Variants in DOCK1 observed in about 807,000 individuals in gnomAD.
DOCK1 encodes the protein dedicator of cytokinesis protein 1.
In DOCK1, 138 loss-of-function variants were observed where a neutral mutation model predicts 262.7. That is an observed-to-expected ratio of 0.53 (90% CI 0.46 to 0.61). The LOEUF (loss-of-function observed/expected upper bound fraction) is 0.61. Ranked by LOEUF, DOCK1 falls within the 20% of genes least tolerant of loss-of-function variation. The pLI, the probability that DOCK1 is intolerant of heterozygous loss-of-function variation, is 0.00. For synonymous variants in DOCK1, 866 were observed against 867.4 expected (o/e 1.00, Z 0.03); for missense variants, 1,908 against 2,370.7 (o/e 0.80, Z 4.05).
At chr10:127,038,967 A>G (rs2043840425) in intron 19 of DOCK1, among the ~76,000 whole-genome samples, 2 of 151,706 alleles carry the variant, frequency 1.3e-5, no homozygotes, top group Non-Finnish European at 2.9e-5. Context: ...ATAAGCATAG[A>G]CTCTCCAGCA....
At chr10:127,089,552 C>T (rs141703125) in intron 23 of DOCK1, among the ~76,000 whole-genome samples, 1 of 152,328 alleles carries the variant, frequency 6.6e-6, no homozygotes, top group East Asian at 1.9e-4. Context: ...GACCCCCACA[C>T]CTAAGATAAT....
At chr10:127,259,391 CG>C (rs2059936404) in intron 29 of DOCK1, among the ~76,000 whole-genome samples, 1 of 152,210 alleles carries the variant, frequency 6.6e-6, no homozygotes, top group African/African-American at 2.4e-5. Context: ...AGCTCTAGAG[CG>C]TTGTGTCTTT....
chr10:127,339,732 T>TGTGTGTGTGTGTGCGC (rs1243468884), intron 30 of DOCK1, among the ~76,000 whole-genome samples: 2 of 40,336 alleles, frequency 5.0e-5, no homozygotes, highest in Non-Finnish European at 1.4e-4. Context: ...TGTGTGTGTG[T>TGTGTGTGTGTGTGCGC]GTGCATGCTG....
intron 29 of DOCK1, among the ~76,000 whole-genome samples, chr10:127,318,525 T>G (rs1169381942): frequency 6.6e-6 from 1 of 152,214 alleles, no homozygotes; most frequent in Admixed American, 6.5e-5. Flanking sequence ...GGCCCAGCAC[T>G]GGGTTCATCC....
intron 23 of DOCK1, among the ~76,000 whole-genome samples, chr10:127,064,881 C>G (rs1255334889): frequency 1.3e-5 from 2 of 152,234 alleles, no homozygotes; most frequent in South Asian, 2.1e-4. Context: ...GAATGGAACT[C>G]CAGCCCCATC....
intron 51 of DOCK1, among the ~76,000 whole-genome samples, chr10:127,450,384 G>A (rs1170748391): frequency 6.6e-6 from 1 of 152,182 alleles, no homozygotes; most frequent in Non-Finnish European, 1.5e-5. Flanking sequence ...AGACGATAGT[G>A]TTCTGTGATT....
chr10:127,273,243 G>A (rs1183665941), intron 29 of DOCK1, among the ~76,000 whole-genome samples: 1 of 152,110 alleles, frequency 6.6e-6, no homozygotes, highest in Non-Finnish European at 1.5e-5. Context: ...TCCTTGGACC[G>A]AGGCTGAACC....
chr10:127,076,153 T>C (rs566438883), intron 23 of DOCK1, among the ~76,000 whole-genome samples: 1 of 152,266 alleles, frequency 6.6e-6, no homozygotes, highest in Admixed American at 6.5e-5. Flanking sequence ...AATTGAGAAC[T>C]TCCTGACAGC....
intron 27 of DOCK1, among the ~76,000 whole-genome samples, chr10:127,145,119 G>A (rs1046188234): frequency 6.6e-6 from 1 of 152,056 alleles, no homozygotes. Flanking sequence ...CATCTTACCT[G>A]TGGCACTCTC....
At chr10:127,186,350 T>C (rs1403282367) in intron 27 of DOCK1, among the ~76,000 whole-genome samples, 1 of 152,100 alleles carries the variant, frequency 6.6e-6, no homozygotes, top group Non-Finnish European at 1.5e-5. Context: ...GCTGCAGGAC[T>C]GAATGAGCGC....
chr10:127,127,711 C>A lies in DOCK1; in HGVS notation c.2794C>A (p.Leu932Ile), dbSNP rs1352072213. 2 of 1,613,204 alleles carry A rather than the reference C, an allele frequency of 1.2e-6. No individual in the cohort carries two copies. Among genetic ancestry groups the A allele is most frequent in the South Asian group, 2.2e-5 (2 of 90,996 alleles). ...CGTCCAGATTATCATGGAGAAACTT[C>A]TCCGGACCGTGAACCGAACCGTCAT... ...RHVQIIMEKL[L>I]RTVNRTVISM... Residue 932 changes from leucine to isoleucine, a missense_variant, in exon 27 of 52, where the codon CTC (leucine) becomes ATC (isoleucine). Transcript: ENST00000623213.
chr10:127,236,499 G>GTTTTTT (rs2059061336), intron 27 of DOCK1, among the ~76,000 whole-genome samples: 1 of 91,330 alleles, frequency 1.1e-5, no homozygotes, highest in Non-Finnish European at 2.2e-5. Context: ...TCTTGACACG[G>GTTTTTT]GTTTTTTTTT....
intron 18 of DOCK1, among the ~76,000 whole-genome samples, chr10:127,033,588 A>G (rs2043390062): frequency 1.3e-5 from 2 of 152,126 alleles, no homozygotes; most frequent in Admixed American, 6.5e-5. Flanking sequence ...ACTGCCCGAT[A>G]CAGATTTTGA....
At chr10:127,290,911 A>G (rs1209100703) in intron 29 of DOCK1, among the ~76,000 whole-genome samples, 3 of 152,224 alleles carry the variant, frequency 2.0e-5, no homozygotes, top group East Asian at 3.8e-4. Flanking sequence ...GTGTGTGCAC[A>G]AAAGTTTTTA....
At position 127,433,299 on chromosome 10, in the gene DOCK1, A is replaced by G. The variant is rs1244819995; in HGVS notation, c.4931A>G (p.Asp1644Gly). 6.2e-7 allele frequency: 1 copy of G among 1,614,002 alleles called. No homozygotes were observed. The highest frequency in any genetic ancestry group is 8.5e-7 in the Non-Finnish European group (1 of 1,179,894). ...GVRIMPSSLD[D>G]RRGSRPRSMV... Reference sequence around the variant, plus strand: ...CGCTCTCAGCCCTCAAGTCTGGATGATAGAAGAGGCAGCCGCCCCCGGTCC... The same window carrying G: ...CGCTCTCAGCCCTCAAGTCTGGATGGTAGAAGAGGCAGCCGCCCCCGGTCC... Residue 1644 changes from aspartate (D) to glycine (G), a missense_variant, in exon 48 of 52, where the codon GAT becomes GGT. Asp to Gly is a moderately conservative substitution (Grantham distance 94). Around this residue, in one of 9 missense-constraint regions of DOCK1, gnomAD observed 383 missense variants for 420.1 expected, o/e 0.91. Transcript: ENST00000623213.
intron 27 of DOCK1, among the ~76,000 whole-genome samples, chr10:127,161,995 A>G (rs1431750119): frequency 1.3e-5 from 2 of 152,224 alleles, no homozygotes; most frequent in Non-Finnish European, 2.9e-5. Context: ...TTTTCTGCTC[A>G]GGACGTTGAT....
At chr10:127,368,330 A>G (rs776095349) in intron 33 of DOCK1, among the ~76,000 whole-genome samples, 2 of 152,074 alleles carry the variant, frequency 1.3e-5, no homozygotes, top group Non-Finnish European at 2.9e-5. Flanking sequence ...CTTTCTATGA[A>G]TCTTTTATGA....
At chr10:127,050,508 C>G (rs12262577) in intron 21 of DOCK1, among the ~76,000 whole-genome samples, 34,990 of 151,392 alleles carry the variant, frequency 0.23, 4,132 homozygotes, top group African/African-American at 0.26. Flanking sequence ...GTCAGGAGTT[C>G]GAGACCAGCC....
In DOCK1 at chr10:126,982,032, C is replaced by T. The variant is rs369282447; in HGVS notation, c.227+59C>T. The T allele has an allele frequency of 6.8e-4, 1,059 of 1,559,334 alleles. 8 individuals are homozygous for T. The highest frequency in any genetic ancestry group is 1.4e-4 in the Non-Finnish European group (161 of 1,135,620). On this transcript the variant is annotated intron_variant, in intron 4 of 51. Coordinates refer to ENST00000623213, the MANE Select transcript of DOCK1 (RefSeq NM_001290223.2). ...GCAAGTACTATATTTGGCCTTGCTG[C>T]TCTTTTGTACGATGGCGTAATATGA...
Sources: allele counts gnomAD v4.1 joint callset (sites outside exome capture counted in the v4.1 genomes callset), GRCh38; gene constraint gnomAD v4.1.1; regional missense constraint gnomAD v4.1.1; transcripts MANE v1.5; gene names NCBI Gene and HGNC (gene_info 2026-07-23, HGNC 2026-07-21).